Variants in TTLL11 observed in about 807,000 individuals in gnomAD.
TTLL11 encodes tubulin tyrosine ligase like 11.
In TTLL11, 42 loss-of-function variants were observed where a neutral mutation model predicts 51.7. The ratio of observed to expected loss-of-function variants is 0.81; its 90% CI spans 0.64 to 1.05. The LOEUF is 1.05. TTLL11 is among the 50% of genes least tolerant of loss of function. The pLI, the probability that TTLL11 is intolerant of heterozygous loss-of-function variation, is 0.00. For missense variants in TTLL11, 799 were observed against 940.4 expected, an observed-to-expected ratio of 0.85 and a Z score of 1.97; for synonymous variants, 381 against 383.5, an observed-to-expected ratio of 0.99 and a Z score of 0.08.
intron 3 of TTLL11, among the ~76,000 whole-genome samples, chr9:122,028,485 G>C (rs1248259209): frequency 6.6e-6 from 1 of 152,180 alleles, no homozygotes; most frequent in African/African-American, 2.4e-5. Flanking sequence ...ACAAGTTACT[G>C]ATAAAGGAGT....
At position 121,853,107 on chromosome 9, in the gene TTLL11, C is replaced by T. The variant is rs1046700705; in HGVS notation, c.1840+7230G>A. On this transcript the variant is annotated intron_variant, in intron 8 of 8. Coordinates refer to ENST00000321582, the MANE Select transcript of TTLL11 (RefSeq NM_001139442.2). The surrounding 1 kb of genome is among the most constrained non-coding windows in gnomAD (Gnocchi z 5.6). ...GCAGAGGCGTCAGATGACTCGCAGT[C>T]GGTGACTGAGGGATTTTGCTGAGAG... Among the ~76,000 whole-genome samples the T allele has an allele frequency of 1.3e-5, 2 of 152,190 alleles. No homozygotes were observed. Among genetic ancestry groups the T allele is most frequent in the Non-Finnish European group, 2.9e-5 (2 of 68,040 alleles).
chr9:121,834,602 G>A (rs1329153186), intron 8 of TTLL11, among the ~76,000 whole-genome samples: 1 of 152,000 alleles, frequency 6.6e-6, no homozygotes, highest in Non-Finnish European at 1.5e-5. Context: ...GCCAAAGCAG[G>A]TAGATCACAA....
chr9:121,957,618 G>T (rs1328759582), intron 6 of TTLL11, among the ~76,000 whole-genome samples: 6 of 152,194 alleles, frequency 3.9e-5, no homozygotes, highest in Non-Finnish European at 8.8e-5. Context: ...TTCCCAAGGG[G>T]CAAGGAGTCC....
At chr9:121,919,057 CAA>C (rs1840435019) in intron 6 of TTLL11, among the ~76,000 whole-genome samples, 1 of 152,118 alleles carries the variant, frequency 6.6e-6, no homozygotes, top group Non-Finnish European at 1.5e-5. Flanking sequence ...CATTCTATGA[CAA>C]CACACTGAGC....
chr9:122,051,337 T>A (rs1372482976), intron 1 of TTLL11, among the ~76,000 whole-genome samples: 2 of 152,194 alleles, frequency 1.3e-5, no homozygotes, highest in Admixed American at 1.3e-4. Context: ...AATGAGCACA[T>A]ACAGCAGAGA....
intron 1 of TTLL11, among the ~76,000 whole-genome samples, chr9:122,041,918 C>G (rs1336550631): frequency 6.6e-6 from 1 of 151,110 alleles, no homozygotes; most frequent in Non-Finnish European, 1.5e-5. Flanking sequence ...ATAAAAAAAT[C>G]CATCCTAAAA....
intron 6 of TTLL11, among the ~76,000 whole-genome samples, chr9:121,889,453 CCAT>C (rs1839137084): frequency 1.3e-5 from 2 of 152,112 alleles, no homozygotes; most frequent in African/African-American, 4.8e-5. Context: ...TGCTGTGCAG[CCAT>C]CATCACCTTC....
At chr9:121,946,071 TA>T (rs1471989267) in intron 6 of TTLL11, among the ~76,000 whole-genome samples, 5 of 152,234 alleles carry the variant, frequency 3.3e-5, no homozygotes, top group Non-Finnish European at 7.3e-5. Context: ...GTTTAAACCA[TA>T]AATCCAGCAT....
At chr9:121,980,082 C>T (rs1251713341) in intron 4 of TTLL11, among the ~76,000 whole-genome samples, 2 of 151,814 alleles carry the variant, frequency 1.3e-5, no homozygotes, top group Non-Finnish European at 2.9e-5. Context: ...GGGAGAGATA[C>T]CACAAGCAAG....
intron 8 of TTLL11, among the ~76,000 whole-genome samples, chr9:121,826,577 A>ATATATG (rs1836812784): frequency 8.3e-6 from 1 of 119,994 alleles, no homozygotes; most frequent in South Asian, 3.1e-4. Context: ...ATATATATAT[A>ATATATG]TATATGTATA....
At chr9:122,059,725 C>G (rs1845393268) in intron 1 of TTLL11, among the ~76,000 whole-genome samples, 1 of 152,212 alleles carries the variant, frequency 6.6e-6, no homozygotes, top group South Asian at 2.1e-4. Flanking sequence ...GGTCAGGAAT[C>G]CACCATGGTG....
At chr9:122,061,630 T>C (rs1267694662) in intron 1 of TTLL11, among the ~76,000 whole-genome samples, 1 of 152,164 alleles carries the variant, frequency 6.6e-6, no homozygotes, top group East Asian at 1.9e-4. Flanking sequence ...TAAATGTTTT[T>C]TTTTCTTTTT....
chr9:122,084,476 C>T (rs138560109), intron 1 of TTLL11, among the ~76,000 whole-genome samples: 60 of 152,238 alleles, frequency 3.9e-4, no homozygotes, highest in Non-Finnish European at 7.2e-4. Flanking sequence ...GAAACCTAAT[C>T]GTTCTCTCCA....
At chr9:122,021,994 AACT>A (rs1336978903) in intron 3 of TTLL11, among the ~76,000 whole-genome samples, 3 of 152,238 alleles carry the variant, frequency 2.0e-5, no homozygotes, top group Non-Finnish European at 2.9e-5. Flanking sequence ...TAGAAATAAA[AACT>A]ACAATATGTG....
intron 1 of TTLL11, among the ~76,000 whole-genome samples, chr9:122,076,041 GA>G (rs1845849733): frequency 6.6e-6 from 1 of 152,182 alleles, no homozygotes; most frequent in Admixed American, 6.5e-5. Flanking sequence ...ACTCAGAGAT[GA>G]AAAACAACAT....
At chr9:121,973,532 T>G (rs1410455115) in intron 6 of TTLL11, among the ~76,000 whole-genome samples, 1 of 152,066 alleles carries the variant, frequency 6.6e-6, no homozygotes, top group Non-Finnish European at 1.5e-5. Flanking sequence ...TGAAAATTCT[T>G]TTCTTTAAGA....
rs1247956091 is a variant in TTLL11 at position 121,915,980 on chromosome 9, GACACACACATACAC to G, written c.1482-45246_1482-45233del. The stretch of plus-strand genomic sequence containing the variant: ...AGAAATATTGGCATGTATAGACAAA[GACACACACATACAC>G]ACACACACACACACACACACACACA... On this transcript the variant is annotated intron_variant, in intron 6 of 8. Coordinates refer to ENST00000321582, the MANE Select transcript of TTLL11 (RefSeq NM_001139442.2). Among the ~76,000 whole-genome samples, 312 of 98,694 alleles carry G rather than the reference GACACACACATACAC, an allele frequency of 3.2e-3. 1 individual carries two copies. Among genetic ancestry groups the G allele is most frequent in the African/African-American group, 0.012 (298 of 25,754 alleles). The allele number at this position is 98,694 out of a possible 152,430, so 64.7% of individuals were successfully genotyped here.
rs781690715 is a variant in TTLL11, at chr9:122,092,921, C to G, written c.228G>C (p.Gly76=). 2 of 1,579,432 alleles carry G rather than the reference C, an allele frequency of 1.3e-6. No homozygotes were observed. The highest frequency in any genetic ancestry group is 1.7e-6 in the Non-Finnish European group (2 of 1,170,566). ...APAQPSAAEE[G]NTQVLQRPPP... is the part of the protein sequence containing the mutation. ...GCGGCCGCTGAAGGACCTGGGTGTT[C>G]CCCTCCTCAGCCGCACTGGGCTGCG... Residue 76 remains glycine, a synonymous_variant, in exon 1 of 9, where the codon GGG becomes GGC. Transcript: ENST00000321582.
intron 1 of TTLL11, among the ~76,000 whole-genome samples, chr9:122,045,690 G>A (rs1275316360): frequency 6.6e-6 from 1 of 152,158 alleles, no homozygotes; most frequent in Non-Finnish European, 1.5e-5. Context: ...ACACAATATG[G>A]TATATAAATA....
Sources: allele counts gnomAD v4.1 joint callset (sites outside exome capture counted in the v4.1 genomes callset), GRCh38; gene constraint gnomAD v4.1.1; non-coding constraint Gnocchi (gnomAD v3.1); transcripts MANE v1.5; gene names NCBI Gene and HGNC (gene_info 2026-07-23, HGNC 2026-07-21).